The following CLIP3 variants were observed in gnomAD, a reference collection of about 807,000 sequenced individuals.
The protein encoded by CLIP3 is CAP-Gly domain containing linker protein 3.
Under a neutral mutation model 59.4 loss-of-function variants are expected in CLIP3, and 15 were observed. The observed-to-expected ratio is 0.25, with a 90% confidence interval of 0.17 to 0.39. The LOEUF is 0.39. CLIP3 is among the 10% of genes least tolerant of loss of function. CLIP3 has a pLI of 1.00. For missense variants in CLIP3, 495 were observed against 765.7 expected, an observed-to-expected ratio of 0.65 and a Z score of 4.17; for synonymous variants, 300 against 321.6, an observed-to-expected ratio of 0.93 and a Z score of 0.72.
At chr19:36,023,528 T>C (rs1458084091) in intron 7 of CLIP3, among the ~76,000 whole-genome samples, 1 of 151,854 alleles carries the variant, frequency 6.6e-6, no homozygotes, top group Non-Finnish European at 1.5e-5. Flanking sequence ...TCCAAACATG[T>C]AATGGTGTTG....
In CLIP3 at chr19:36,026,294, G is replaced by C. The variant is rs753627148; in HGVS notation, c.563-29C>G. On this transcript the variant is annotated intron_variant, in intron 5 of 13. Coordinates refer to ENST00000360535, the MANE Select transcript of CLIP3 (RefSeq NM_015526.3). The surrounding 1 kb of genome is among the most constrained non-coding windows in gnomAD (Gnocchi z 6.3). ...GAAGTGGGCAAGAGGAGGGGTTCCG[G>C]GTGAGCGCCTGTGGGACCCCAGCCC... 1 of 1,570,506 alleles carries C rather than the reference G, an allele frequency of 6.4e-7. No homozygotes were observed. The highest frequency in any genetic ancestry group is 8.8e-7 in the Non-Finnish European group (1 of 1,142,450).
In CLIP3 at chr19:36,018,931, G is replaced by T; in HGVS notation, c.1150C>A (p.Arg384Ser). 6.2e-7 allele frequency: 1 copy of T among 1,613,454 alleles called. No individual in the cohort carries two copies. Among genetic ancestry groups the T allele is most frequent in the Non-Finnish European group, 8.5e-7 (1 of 1,179,698 alleles). Residue 384 changes from arginine to serine, a missense_variant, in exon 9 of 14, where the codon CGT becomes AGT. Arg to Ser is a moderately radical substitution (Grantham distance 110, BLOSUM62 -1). Transcript: ENST00000360535. ...TCCCTGCGGCCTTTGCCGGTGACAC[G>T]GGAGAAGTCCATCCGGGGGGTCCGG... ...TPRTPRMDFSRVTGKGRREHK... is the reference protein window; with the variant it reads ...TPRTPRMDFSSVTGKGRREHK...
Position 36,016,090 on chromosome 19 carries a change from C to T in CLIP3, c.*68G>A. The T allele has an allele frequency of 6.4e-7, 1 of 1,560,998 alleles. No individual in the cohort carries two copies. The highest frequency in any genetic ancestry group is 8.8e-7 in the Non-Finnish European group (1 of 1,134,856). On this transcript the variant is annotated 3_prime_UTR_variant, in exon 14 of 14. Transcript: ENST00000360535. This position sits in a 1 kb window ranked among gnomAD's most constrained non-coding sequence, Gnocchi z 4.1. ...ACTGGGAATCTCTATCTCAGGGTGACTCAGGGCTCCTCGGGTGTCAGGAGA... is the reference window on the plus strand; with the variant it reads ...ACTGGGAATCTCTATCTCAGGGTGATTCAGGGCTCCTCGGGTGTCAGGAGA...
In CLIP3 at chr19:36,016,099, C is replaced by T; in HGVS notation, c.*59G>A. 1 of 1,588,810 alleles carries T rather than the reference C, an allele frequency of 6.3e-7. No homozygotes were observed. The highest frequency in any genetic ancestry group is 8.6e-7 in the Non-Finnish European group (1 of 1,158,748). ...CTCTATCTCAGGGTGACTCAGGGCTCCTCGGGTGTCAGGAGATGCTAGTGG... is the reference window on the plus strand; with the variant it reads ...CTCTATCTCAGGGTGACTCAGGGCTTCTCGGGTGTCAGGAGATGCTAGTGG... On this transcript the variant is annotated 3_prime_UTR_variant, in exon 14 of 14. Coordinates refer to ENST00000360535, the MANE Select transcript of CLIP3 (RefSeq NM_015526.3). This position sits in a 1 kb window ranked among gnomAD's most constrained non-coding sequence, Gnocchi z 4.1.
intron 12 of CLIP3, 97 bp from the exon 13 acceptor site, chr19:36,017,076 T>C (rs1479997096): frequency 1.6e-6 from 2 of 1,265,240 alleles, no homozygotes; most frequent in African/African-American, 1.5e-5. Flanking sequence ...TCCCCATGTC[T>C]CCAGTCCCCA....
chr19:36,022,618 C>T (rs1311246445), intron 7 of CLIP3, among the ~76,000 whole-genome samples: 1 of 152,190 alleles, frequency 6.6e-6, no homozygotes, highest in African/African-American at 2.4e-5. Context: ...AGATCGTGCA[C>T]AGCAGAATGC....
rs895328513 is a variant in CLIP3, at chr19:36,032,384, G to T, written c.-27C>A. ...GTCCTCGGTGGCCCTCGGGGGGCGG[G>T]TGCAGAGTTGGGGGCAGCCTTCAGG... is the stretch of plus-strand genomic sequence containing the variant. On this transcript the variant is annotated 5_prime_UTR_variant, in exon 2 of 14. Coordinates refer to ENST00000360535, the MANE Select transcript of CLIP3 (RefSeq NM_015526.3). The surrounding 1 kb of genome is among the most constrained non-coding windows in gnomAD (Gnocchi z 4.3). 5.8e-6 allele frequency: 7 copies of T among 1,201,426 alleles called. No homozygotes were observed. The African/African-American group carries it at 9.4e-5, about 16-fold the overall frequency. The allele number at this position is 1,201,426 out of a possible 1,614,324, so 74.4% of individuals were successfully genotyped here.
At chr19:36,017,359 C>T in intron 12 of CLIP3, 27 bp downstream of exon 12, 1 of 1,610,416 alleles carries the variant, frequency 6.2e-7, no homozygotes, top group Non-Finnish European at 8.5e-7. Context: ...ACGTACACTC[C>T]TCCCAACATA....
At chr19:36,017,472 G>T (rs1324342676) in intron 11 of CLIP3, 22 bp from the exon 12 acceptor site, 2 of 1,613,932 alleles carry the variant, frequency 1.2e-6, no homozygotes, top group Non-Finnish European at 1.7e-6. Context: ...CGGGGAGGGG[G>T]AGAAGTCAGA....
rs772949481 is a variant in CLIP3 at position 36,019,378 on chromosome 19, C to G, written c.919-72G>C. The G allele has an allele frequency of 5.2e-6, 8 of 1,545,124 alleles. No homozygotes were observed. In the South Asian group the frequency reaches 9.4e-5, roughly 18 times the overall value. ...CCAACGTGGAGTGCCCACACACGGGCAGCAAGGTGGGTTGCATGAGGCCGC... is the reference window on the plus strand; with the variant it reads ...CCAACGTGGAGTGCCCACACACGGGGAGCAAGGTGGGTTGCATGAGGCCGC... On this transcript the variant is annotated intron_variant, in intron 7 of 13. Transcript: ENST00000360535.
Position 36,026,478 on chromosome 19 carries a change from A to G in CLIP3, c.562+108T>C, listed in dbSNP as rs916114453. 6 of 1,467,554 alleles carry G rather than the reference A, an allele frequency of 4.1e-6. No homozygotes were observed. The African/African-American group carries it at 5.7e-5, about 14-fold the overall frequency. 90.9% of individuals were successfully genotyped at this position (1,467,554 alleles called of 1,614,324 possible). On this transcript the variant is annotated intron_variant, in intron 5 of 13. Transcript: ENST00000360535. This position sits in a 1 kb window ranked among gnomAD's most constrained non-coding sequence, Gnocchi z 6.3. Reference sequence around the variant, plus strand: ...TCTCCCACGCCTCCAACCTCCCGCTATCTCCTCAGATCACCGTCCTCCTTC... The same window carrying G: ...TCTCCCACGCCTCCAACCTCCCGCTGTCTCCTCAGATCACCGTCCTCCTTC...
At position 36,015,399 on chromosome 19, in the gene CLIP3, TCTGGCCAGCACAGGAG is replaced by T. The variant is rs1444777639; in HGVS notation, c.*743_*758del. 6.6e-6 allele frequency: 1 copy of T among 152,298 alleles called. No homozygotes were observed. Among genetic ancestry groups the T allele is most frequent in the African/African-American group, 2.4e-5 (1 of 41,302 alleles). 9.4% of individuals were successfully genotyped at this position (152,298 alleles called of 1,614,324 possible). A position where few individuals can be genotyped will look rare whatever the true frequency, so the allele number is the denominator to read the frequency against. On this transcript the variant is annotated 3_prime_UTR_variant, in exon 14 of 14. Transcript: ENST00000360535. ...TAAAAAATAGAGAATTTTCTGGGAGTCTGGCCAGCACAGGAGCTGTGGGCCATGTGGGGTGGGCTTC... is the reference window on the plus strand; with the variant it reads ...TAAAAAATAGAGAATTTTCTGGGAGTCTGTGGGCCATGTGGGGTGGGCTTC...
chr19:36,015,725 T>G lies in CLIP3; in HGVS notation c.*433A>C. On this transcript the variant is annotated 3_prime_UTR_variant, in exon 14 of 14. Transcript: ENST00000360535. ...AATGACATGAATGTCTGTTACTCTT[T>G]TGCTTTGGGGGTGTGACCTATGTTT... is the stretch of plus-strand genomic sequence containing the variant. 1 of 195,632 alleles carries G rather than the reference T, an allele frequency of 5.1e-6. No homozygotes were observed. The highest frequency in any genetic ancestry group is 1.1e-5 in the Non-Finnish European group (1 of 92,714). 12.1% of individuals were successfully genotyped at this position (195,632 alleles called of 1,614,324 possible).
intron 2 of CLIP3, among the ~76,000 whole-genome samples, chr19:36,029,229 A>G (rs1969194750): frequency 6.7e-6 from 1 of 149,996 alleles, no homozygotes; most frequent in Non-Finnish European, 1.5e-5. Context: ...CTGAGGCAGG[A>G]GAATCGCTTG....
intron 7 of CLIP3, among the ~76,000 whole-genome samples, chr19:36,023,423 C>T (rs1969005323): frequency 1.3e-5 from 2 of 152,174 alleles, no homozygotes; most frequent in African/African-American, 4.8e-5. Flanking sequence ...GAAGTTCTTT[C>T]CTATCTCAGT....
chr19:36,027,666 AAAAT>A (rs1374519227), intron 2 of CLIP3, among the ~76,000 whole-genome samples: 1 of 152,210 alleles, frequency 6.6e-6, no homozygotes, highest in Non-Finnish European at 1.5e-5. Context: ...CTCCAGAGCA[AAAAT>A]AAATAAAGCC....
rs1188191669 is a variant in CLIP3 at position 36,015,572 on chromosome 19, T to A, written c.*586A>T. ...CAGTGGGCTGGTTATGGTGGGTTTC[T>A]TCTTGAGGGATAAGAACAAGGGTCT... On this transcript the variant is annotated 3_prime_UTR_variant, in exon 14 of 14. Coordinates refer to ENST00000360535, the MANE Select transcript of CLIP3 (RefSeq NM_015526.3). 1 of 156,696 alleles carries A rather than the reference T, an allele frequency of 6.4e-6. No homozygotes were observed. 9.7% of individuals were successfully genotyped at this position (156,696 alleles called of 1,614,324 possible). A position where few individuals can be genotyped will look rare whatever the true frequency, so the allele number is the denominator to read the frequency against.
chr19:36,018,924 G>A lies in CLIP3; in HGVS notation c.1157C>T (p.Thr386Ile). 1 of 1,613,564 alleles carries A rather than the reference G, an allele frequency of 6.2e-7. No homozygotes were observed. Among genetic ancestry groups the A allele is most frequent in the Non-Finnish European group, 8.5e-7 (1 of 1,179,756 alleles). ...RTPRMDFSRV[T>I]GKGRREHKGK... ...TTTGTGTTCCCTGCGGCCTTTGCCG[G>A]TGACACGGGAGAAGTCCATCCGGGG... Residue 386 changes from threonine (T) to isoleucine (I), a missense_variant, in exon 9 of 14, where the codon ACC becomes ATC. By Grantham distance (89) the Thr-to-Ile change is moderately conservative. Around this residue, in one of 5 missense-constraint regions of CLIP3, gnomAD observed 179 missense variants for 226.2 expected, o/e 0.79. Transcript: ENST00000360535.
In CLIP3 at chr19:36,026,331, C is replaced by A. The variant is rs567057248; in HGVS notation, c.563-66G>T. 29 of 1,386,438 alleles carry A rather than the reference C, an allele frequency of 2.1e-5. No homozygotes were observed. In the South Asian group the frequency reaches 2.7e-4, roughly 13 times the overall value. The allele number at this position is 1,386,438 out of a possible 1,614,324, so 85.9% of individuals were successfully genotyped here. On this transcript the variant is annotated intron_variant, in intron 5 of 13. Transcript: ENST00000360535. This position sits in a 1 kb window ranked among gnomAD's most constrained non-coding sequence, Gnocchi z 6.3. ...TGGGACCCCAGCCCTCCTCCCACCT[C>A]GGGGCTCATCTCTTAACTTGCAGGT...
Sources: gnomAD v4.1 joint callset for allele counts (sites outside exome capture counted in the v4.1 genomes callset) on GRCh38, gnomAD v4.1.1 for gene constraint, gnomAD v4.1.1 regional missense constraint, Gnocchi (gnomAD v3.1) non-coding constraint, MANE v1.5 for transcripts, NCBI Gene and HGNC (gene_info 2026-07-23, HGNC 2026-07-21) for gene names.